The following WBP11 variants were observed in gnomAD, a reference collection of about 807,000 sequenced individuals.
The protein encoded by WBP11 is WW domain binding protein 11, also known as WW domain-binding protein 11.
A neutral mutation model predicts 66.7 loss-of-function variants in WBP11; 12 were observed. That is an observed-to-expected ratio of 0.18 (90% CI 0.12 to 0.29). WBP11 has a LOEUF of 0.29. Among genes scored for constraint, WBP11 ranks in the 10% least tolerant of loss-of-function variants. The pLI is 1.00. For missense variants in WBP11, 555 were observed against 818.3 expected, an observed-to-expected ratio of 0.68 and a Z score of 3.93; for synonymous variants, 255 against 273.8, an observed-to-expected ratio of 0.93 and a Z score of 0.68.
chr12:14,785,118 T>C lies in WBP11; in HGVS notation c.*1947A>G, dbSNP rs1949736722. The C allele has an allele frequency of 6.6e-6, 1 of 152,028 alleles. No homozygotes were observed. Among genetic ancestry groups the C allele is most frequent in the African/African-American group, 2.4e-5 (1 of 41,378 alleles). The allele number at this position is 152,028 out of a possible 1,614,324, so 9.4% of individuals were successfully genotyped here. On this transcript the variant is annotated 3_prime_UTR_variant, in exon 12 of 12. Transcript: ENST00000261167. ...ATAGCGAGACCTCATCTCTAAAAAA[T>C]AAATTAGCTGGTTGTGGTGGCACGT... is the stretch of plus-strand genomic sequence containing the variant.
At chr12:14,794,464 G>A (rs1949864707) in intron 7 of WBP11, 73 bp downstream of exon 7, 2 of 1,520,316 alleles carry the variant, frequency 1.3e-6, no homozygotes, top group Admixed American at 3.3e-5. Context: ...TTCTGAGGGT[G>A]GTGAACAATA....
chr12:14,795,687 G>A (rs1233188862), intron 5 of WBP11, among the ~76,000 whole-genome samples: 1 of 152,076 alleles, frequency 6.6e-6, no homozygotes. Flanking sequence ...CCAAGATGGT[G>A]CCACTGCACT....
chr12:14,791,587 A>C (rs762618044), intron 8 of WBP11, among the ~76,000 whole-genome samples: 42 of 152,266 alleles, frequency 2.8e-4, no homozygotes, highest in Non-Finnish European at 4.4e-5. Flanking sequence ...GAAATCTGAT[A>C]AAGAGCATAG....
At chr12:14,791,930 T>C (rs1038650368) in intron 8 of WBP11, among the ~76,000 whole-genome samples, 3 of 151,520 alleles carry the variant, frequency 2.0e-5, no homozygotes, top group African/African-American at 7.3e-5. Context: ...GGAGCTAAGA[T>C]ATGAGGATGC....
chr12:14,790,562 C>G lies in WBP11; in HGVS notation c.1203G>C (p.Gln401His). 1.2e-6 allele frequency: 2 copies of G among 1,613,966 alleles called. No individual in the cohort carries two copies. The highest frequency in any genetic ancestry group is 1.7e-6 in the Non-Finnish European group (2 of 1,179,868). ...GTCCTGGCATGGGAGGTGCTTGTAT[C>G]TGAGAAGGAGGAACAGACTGCGGCG... ...QAPPQSVPPS[Q>H]IQAPPMPGPP... The change falls in exon 10 of 12, where the codon CAG (glutamine) becomes CAC (histidine). Residue 401 changes from glutamine (Q) to histidine (H), a missense_variant. Physicochemically the swap from Gln to His is conservative, Grantham distance 24. Coordinates refer to ENST00000261167, the MANE Select transcript of WBP11 (RefSeq NM_016312.3).
At position 14,787,411 on chromosome 12, in the gene WBP11, G is replaced by A. The variant is rs1428496659; in HGVS notation, c.1580C>T (p.Pro527Leu). The A allele has an allele frequency of 1.3e-6, 2 of 1,574,144 alleles. No homozygotes were observed. Among genetic ancestry groups the A allele is most frequent in the Admixed American group, 1.7e-5 (1 of 57,792 alleles). Residue 527 changes from proline to leucine, a missense_variant, in exon 12 of 12, where the codon CCC becomes CTC. Transcript: ENST00000261167. ...PAPPGLFPPA[P>L]LPNPGVLSAP... Reference sequence around the variant, plus strand: ...ACTTAAAACCCCAGGGTTTGGCAAGGGAGCTGGTGGGAACAGCCCAGGGGG... The same window carrying A: ...ACTTAAAACCCCAGGGTTTGGCAAGAGAGCTGGTGGGAACAGCCCAGGGGG...
Position 14,787,195 on chromosome 12 carries a change from T to C in WBP11, c.1796A>G (p.Lys599Arg). The change falls in exon 12 of 12, where the codon AAG (lysine) becomes AGG (arginine). Residue 599 changes from lysine (K) to arginine (R), a missense_variant. Lys to Arg is a conservative substitution (Grantham distance 26). Coordinates refer to ENST00000261167, the MANE Select transcript of WBP11 (RefSeq NM_016312.3). Reference sequence around the variant, plus strand: ...AGGCACAGCAGAATCATCCTCTGACTTTCTTTGGGGAGCAGCAGTAGCCCC... The same window carrying C: ...AGGCACAGCAGAATCATCCTCTGACCTTCTTTGGGGAGCAGCAGTAGCCCC... ...NKGATAAPQR[K>R]SEDDSAVPLA... 1.9e-6 allele frequency: 3 copies of C among 1,614,098 alleles called. No homozygotes were observed. The highest frequency in any genetic ancestry group is 2.5e-6 in the Non-Finnish European group (3 of 1,180,040).
At chr12:14,802,430 G>C (rs933455169) in intron 1 of WBP11, among the ~76,000 whole-genome samples, 6 of 152,150 alleles carry the variant, frequency 3.9e-5, no homozygotes, top group African/African-American at 1.4e-4. Context: ...AGATGTTTCA[G>C]AAAGCCAGAT....
rs1949791622 is a variant in WBP11 at position 14,789,121 on chromosome 12, A to C, written c.1322T>G (p.Phe441Cys). The part of the protein sequence containing the change: ...PPGPPPGAPP[F>C]LRPPGMPGLR... ...TCCTGGCATTCCAGGTGGTCTCAGGAATGGAGGAGCTCCTGAAAAGAGAAA... is the reference window on the plus strand; with the variant it reads ...TCCTGGCATTCCAGGTGGTCTCAGGCATGGAGGAGCTCCTGAAAAGAGAAA... Residue 441 changes from phenylalanine to cysteine, a missense_variant, in exon 11 of 12, where the codon TTC (phenylalanine) becomes TGC (cysteine). Coordinates refer to ENST00000261167, the MANE Select transcript of WBP11 (RefSeq NM_016312.3). 6 of 1,533,510 alleles carry C rather than the reference A, an allele frequency of 3.9e-6. No individual in the cohort carries two copies. The highest frequency in any genetic ancestry group is 5.2e-6 in the Non-Finnish European group (6 of 1,150,692). The allele number at this position is 1,533,510 out of a possible 1,614,324, so 95.0% of individuals were successfully genotyped here. A position where few individuals can be genotyped will look rare whatever the true frequency, so the allele number is the denominator to read the frequency against.
chr12:14,800,651 C>G lies in WBP11; in HGVS notation c.96+101G>C. On this transcript the variant is annotated intron_variant, in intron 3 of 11. Coordinates refer to ENST00000261167, the MANE Select transcript of WBP11 (RefSeq NM_016312.3). Reference sequence around the variant, plus strand: ...TTATAAAAAGCATAAAGTACCTTTTCTAGAAAATATTAGAAATGTTATTCT... The same window carrying G: ...TTATAAAAAGCATAAAGTACCTTTTGTAGAAAATATTAGAAATGTTATTCT... 1.1e-5 allele frequency: 13 copies of G among 1,150,856 alleles called. No individual in the cohort carries two copies. In the South Asian group the frequency reaches 1.8e-4, roughly 16 times the overall value. The allele number at this position is 1,150,856 out of a possible 1,614,324, so 71.3% of individuals were successfully genotyped here.
intron 10 of WBP11, among the ~76,000 whole-genome samples, chr12:14,790,152 T>C (rs1213068667): frequency 2.0e-5 from 3 of 152,242 alleles, no homozygotes; most frequent in Admixed American, 6.5e-5. Context: ...CAACCTATCA[T>C]ACTAAAAAGC....
At chr12:14,791,123 G>T (rs375087786) in intron 9 of WBP11, 46 bp downstream of exon 9, 1 of 1,555,324 alleles carries the variant, frequency 6.4e-7, no homozygotes, top group South Asian at 1.1e-5. Flanking sequence ...AGTAATTAGC[G>T]TGAGGATACA....
rs1240008448 is a variant in WBP11 at position 14,794,996 on chromosome 12, T to A, written c.496A>T (p.Ile166Phe). ...CCATAGGCTGAGGTTTTCTTTAGGATAGAGGGTGGCTGGGCACCAGGAAGT... is the reference window on the plus strand; with the variant it reads ...CCATAGGCTGAGGTTTTCTTTAGGAAAGAGGGTGGCTGGGCACCAGGAAGT... ...IPLPGAQPPS[I>F]LKKTSAYGPP... The change falls in exon 6 of 12, where the codon ATC becomes TTC. Residue 166 changes from isoleucine to phenylalanine, a missense_variant. By Grantham distance (21) the Ile-to-Phe change is conservative. This residue lies in a region of WBP11 where 220 missense variants were observed against 268.2 expected (regional missense o/e 0.82). Transcript: ENST00000261167. 1 of 1,612,234 alleles carries A rather than the reference T, an allele frequency of 6.2e-7. No homozygotes were observed. The highest frequency in any genetic ancestry group is 8.5e-7 in the Non-Finnish European group (1 of 1,180,028).
At position 14,790,537 on chromosome 12, in the gene WBP11, G is replaced by A; in HGVS notation, c.1228C>T (p.Pro410Ser). ...GCAGGTGGTGGTCCAAGAGGTGGTG[G>A]TCCTGGCATGGGAGGTGCTTGTATC... ...SQIQAPPMPG[P>S]PPLGPPPAPP... The change falls in exon 10 of 12, where the codon CCA becomes TCA. Residue 410 changes from proline (P) to serine (S), a missense_variant. Transcript: ENST00000261167. 6.2e-7 allele frequency: 1 copy of A among 1,614,036 alleles called. No individual in the cohort carries two copies. The highest frequency in any genetic ancestry group is 1.1e-5 in the South Asian group (1 of 91,080).
rs1949807676 is a variant in WBP11 at position 14,790,464 on chromosome 12, G to A, written c.1301C>T (p.Pro434Leu). The change falls in exon 10 of 12, where the codon CCA becomes CTA. Residue 434 changes from proline (P) to leucine (L), a missense_variant. Coordinates refer to ENST00000261167, the MANE Select transcript of WBP11 (RefSeq NM_016312.3). ...ATTATGTAAGTGTTTACCTGGAGGT[G>A]GACCAGGAGGAAGGCCTGTAGGTGG... ...PGPPTGLPPG[P>L]PPGAPPFLRP... 1.9e-6 allele frequency: 3 copies of A among 1,613,572 alleles called. No homozygotes were observed. The highest frequency in any genetic ancestry group is 3.3e-5 in the Admixed American group (2 of 59,978).
intron 8 of WBP11, 108 bp from the exon 9 acceptor site, chr12:14,791,378 G>T: frequency 2.6e-6 from 2 of 769,810 alleles, no homozygotes; most frequent in Admixed American, 2.6e-5. Flanking sequence ...CCACTACTTG[G>T]CAGAGGTGCA....
At chr12:14,794,912 C>G (rs1229330593) in intron 6 of WBP11, 59 bp downstream of exon 6, 1 of 1,611,408 alleles carries the variant, frequency 6.2e-7, no homozygotes, top group Non-Finnish European at 8.5e-7. Flanking sequence ...AATTTTGGCA[C>G]TGGACAGTCA....
chr12:14,799,096 A>G (rs1565674965), intron 4 of WBP11, among the ~76,000 whole-genome samples: 1 of 152,210 alleles, frequency 6.6e-6, no homozygotes, highest in Non-Finnish European at 1.5e-5. Context: ...TGAAGAGTGA[A>G]TAAAACTATT....
rs1949735457 is a variant in WBP11 at position 14,784,944 on chromosome 12, CTAAT to C, written c.*2117_*2120del. 7.8e-6 allele frequency: 1 copy of C among 128,708 alleles called. No individual in the cohort carries two copies. The highest frequency in any genetic ancestry group is 1.7e-5 in the Non-Finnish European group (1 of 59,046). The allele number at this position is 128,708 out of a possible 1,614,324, so 8.0% of individuals were successfully genotyped here. A position where few individuals can be genotyped will look rare whatever the true frequency, so the allele number is the denominator to read the frequency against. On this transcript the variant is annotated 3_prime_UTR_variant, in exon 12 of 12. Coordinates refer to ENST00000261167, the MANE Select transcript of WBP11 (RefSeq NM_016312.3). The stretch of plus-strand genomic sequence containing the variant: ...ATGCAGCTGATGTATTGTCACACCA[CTAAT>C]TTTCAGAAAATTATACTAGCAATAT...
Sources: allele counts gnomAD v4.1 joint callset (sites outside exome capture counted in the v4.1 genomes callset), GRCh38; gene constraint gnomAD v4.1.1; regional missense constraint gnomAD v4.1.1; transcripts MANE v1.5; gene names NCBI Gene and HGNC (gene_info 2026-07-23, HGNC 2026-07-21).